Variants in TRIM21 observed in about 807,000 individuals in gnomAD.
The protein encoded by TRIM21 is tripartite motif containing 21.
A neutral mutation model predicts 36.1 loss-of-function variants in TRIM21; 35 were observed. That is an observed-to-expected ratio of 0.97 (90% confidence interval 0.74 to 1.28). The LOEUF is 1.28. TRIM21 is among the 50% of genes most tolerant of loss of function. The pLI, the probability that TRIM21 is intolerant of heterozygous loss-of-function variation, is 0.00. For missense variants in TRIM21, 635 were observed against 570.7 expected (o/e 1.11, Z -1.15); for synonymous variants, 256 against 211.5 (o/e 1.21, Z -1.83).
Position 4,385,286 on chromosome 11 carries a change from C to A in TRIM21, c.1427G>T (p.Ter476LeuextTer65), listed in dbSNP as rs759731100. The change falls in exon 7 of 7, where the codon TGA becomes TTA. Residue 476 changes from the stop codon to leucine (L), a stop_lost. Coordinates refer to ENST00000254436, the MANE Select transcript of TRIM21 (RefSeq NM_003141.4). Reference sequence around the variant, plus strand: ...AGTGGCAGTGTCCAGAGAAAGCCATCAATAGTCAGTGGATCCTTGTGATCC... The same window carrying A: ...AGTGGCAGTGTCCAGAGAAAGCCATAAATAGTCAGTGGATCCTTGTGATCC... Reference protein sequence around the residue: ...NIGSQGSTDY* With the variant: ...NIGSQGSTDYL 6 of 1,608,970 alleles carry A rather than the reference C, an allele frequency of 3.7e-6. No individual in the cohort carries two copies. In the South Asian group the frequency reaches 5.5e-5, roughly 15 times the overall value.
rs2094961657 is a variant in TRIM21 at position 4,390,339 on chromosome 11, A to T, written c.71T>A (p.Val24Glu). 1 of 1,613,964 alleles carries T rather than the reference A, an allele frequency of 6.2e-7. No homozygotes were observed. The highest frequency in any genetic ancestry group is 8.5e-7 in the Non-Finnish European group (1 of 1,179,888). ...VTCPICLDPF[V>E]EPVSIECGHS... ...GCCACACTCGATGCTCACAGGCTCC[A>T]CGAAGGGGTCCAGGCAGATAGGGCA... The change falls in exon 2 of 7, where the codon GTG becomes GAG. Residue 24 changes from valine (V) to glutamate (E), a missense_variant. Coordinates refer to ENST00000254436, the MANE Select transcript of TRIM21 (RefSeq NM_003141.4).
In TRIM21 at chr11:4,388,515, G is replaced by A; in HGVS notation, c.520C>T (p.Gln174Ter). Residue 174 changes from glutamine to a stop codon, truncating the protein, a stop_gained, in exon 4 of 7, where the codon CAG becomes TAG. Transcript: ENST00000254436. LOFTEE classifies it high-confidence loss of function. The part of the protein sequence containing the change: ...RADWKKTVET[Q>*]KSRIHAEFVQ... ...AACTCTGCGTGAATCCTAGATTTCT[G>A]TGTTTCCACTGTTTTCTTTAGTGTC... 1 of 1,609,224 alleles carries A rather than the reference G, an allele frequency of 6.2e-7. No homozygotes were observed. Among genetic ancestry groups the A allele is most frequent in the Non-Finnish European group, 8.5e-7 (1 of 1,179,844 alleles).
chr11:4,388,641 C>CCCAGACAGCACAGAG, intron 3 of TRIM21, 111 bp from the exon 4 acceptor site: 1 of 1,033,120 alleles, frequency 9.7e-7, no homozygotes, highest in Non-Finnish European at 1.4e-6. Flanking sequence ...TCTGTGCTGT[C>CCCAGACAGCACAGAG]TGGGAAAACA....
rs1307599888 is a variant in TRIM21 at position 4,390,314 on chromosome 11, G to A, written c.96C>T (p.Gly32=). The change falls in exon 2 of 7, where the codon GGC becomes GGT. Residue 32 remains glycine, a synonymous_variant. Coordinates refer to ENST00000254436, the MANE Select transcript of TRIM21 (RefSeq NM_003141.4). ...AGATGCATTCCTGGCAGAAGCTGTG[G>A]CCACACTCGATGCTCACAGGCTCCA... The part of the protein sequence containing the change: ...PFVEPVSIEC[G]HSFCQECISQ... The A allele has an allele frequency of 6.2e-7, 1 of 1,613,952 alleles. No homozygotes were observed. The highest frequency in any genetic ancestry group is 1.1e-5 in the South Asian group (1 of 91,082).
chr11:4,388,637 C>T (rs765201022), intron 3 of TRIM21, 107 bp from the exon 4 acceptor site: 13 of 1,076,110 alleles, frequency 1.2e-5, no homozygotes, highest in Non-Finnish European at 1.6e-5. Context: ...CCACTCTGTG[C>T]TGTCTGGGAA....
chr11:4,390,143 C>A lies in TRIM21; in HGVS notation c.267G>T (p.Gly89=), dbSNP rs752371909. ...TCTCTCCATGCACTGCACACCGTTCCCCCTGTGTGCCCTCTCTGGCCTCCT... is the reference window on the plus strand; with the variant it reads ...TCTCTCCATGCACTGCACACCGTTCACCCTGTGTGCCCTCTCTGGCCTCCT... The part of the protein sequence containing the change: ...ISQEAREGTQ[G]ERCAVHGERL... Residue 89 remains glycine (G), a synonymous_variant, in exon 2 of 7, where the codon GGG becomes GGT. Transcript: ENST00000254436. 1.2e-6 allele frequency: 2 copies of A among 1,614,038 alleles called. No individual in the cohort carries two copies. Among genetic ancestry groups the A allele is most frequent in the South Asian group, 2.2e-5 (2 of 91,086 alleles).
intron 4 of TRIM21, 23 bp from the exon 5 acceptor site, chr11:4,387,013 G>A (rs1222355458): frequency 2.5e-6 from 4 of 1,569,328 alleles, no homozygotes; most frequent in Non-Finnish European, 3.5e-6. Flanking sequence ...GAGACAGAAA[G>A]TAAGTTCTGG....
rs376214108 is a variant in TRIM21 at position 4,388,577 on chromosome 11, C to T, written c.505-47G>A. On this transcript the variant is annotated intron_variant, in intron 3 of 6. Coordinates refer to ENST00000254436, the MANE Select transcript of TRIM21 (RefSeq NM_003141.4). The stretch of plus-strand genomic sequence containing the variant: ...AGAGGTGGTTTTTATGAAAATCTCC[C>T]AAGCTTTGGGAATGGAGGTATTGGT... 5.1e-6 allele frequency: 8 copies of T among 1,580,444 alleles called. No homozygotes were observed. The Admixed American group carries it at 6.7e-5, about 13-fold the overall frequency.
intron 1 of TRIM21, among the ~76,000 whole-genome samples, chr11:4,392,029 G>C (rs963314030): frequency 6.6e-6 from 1 of 151,972 alleles, no homozygotes; most frequent in Non-Finnish European, 1.5e-5. Context: ...GTACAACAGG[G>C]TGACTATAGT....
At position 4,385,533 on chromosome 11, in the gene TRIM21, G is replaced by A; in HGVS notation, c.1180C>T (p.Pro394Ser). Residue 394 changes from proline (P) to serine (S), a missense_variant, in exon 7 of 7, where the codon CCC becomes TCC. Physicochemically the swap from Pro to Ser is moderately conservative, Grantham distance 74 (BLOSUM62 -1). Coordinates refer to ENST00000254436, the MANE Select transcript of TRIM21 (RefSeq NM_003141.4). ...NKQKYEAGTY[P>S]QTPLHLQVPP... is the part of the protein sequence containing the mutation. ...ACCTGAAGGTGGAGGGGAGTCTGGG[G>A]GTAGGTGCCAGCCTCATATTTTTGT... 1.9e-6 allele frequency: 3 copies of A among 1,611,864 alleles called. No individual in the cohort carries two copies. Among genetic ancestry groups the A allele is most frequent in the Non-Finnish European group, 2.5e-6 (3 of 1,179,032 alleles).
At chr11:4,388,257 A>G (rs1313425267) in intron 4 of TRIM21, 43 bp downstream of exon 4, 17 of 1,534,526 alleles carry the variant, frequency 1.1e-5, no homozygotes, top group Non-Finnish European at 1.4e-5. Flanking sequence ...GGTCTTTTTC[A>G]GTTATTCCCT....
rs199739277 is a variant in TRIM21 at position 4,385,820 on chromosome 11, G to T, written c.893C>A (p.Pro298Gln). ...HITLDPDTAN[P>Q]WLILSEDRRQ... is the part of the protein sequence containing the mutation. ...CCGATCTTCTGAAAGTATCAGCCAC[G>T]GATTGGCTGTGTCTGGATCCAGAGT... is the stretch of plus-strand genomic sequence containing the variant. Residue 298 changes from proline to glutamine, a missense_variant, in exon 7 of 7, where the codon CCG becomes CAG. By Grantham distance (76) the Pro-to-Gln change is moderately conservative. Coordinates refer to ENST00000254436, the MANE Select transcript of TRIM21 (RefSeq NM_003141.4). 4 of 1,612,520 alleles carry T rather than the reference G, an allele frequency of 2.5e-6. No homozygotes were observed. Among genetic ancestry groups the T allele is most frequent in the Admixed American group, 1.7e-5 (1 of 59,864 alleles).
In TRIM21 at chr11:4,388,530, TC is replaced by T; in HGVS notation, c.505-1del. Reference sequence around the variant, plus strand: ...CTAGATTTCTGTGTTTCCACTGTTTTCTTTAGTGTCAAGGGAAAGGGAGAGG... The same window carrying T: ...CTAGATTTCTGTGTTTCCACTGTTTTTTTAGTGTCAAGGGAAAGGGAGAGG... On this transcript the variant is annotated splice_acceptor_variant, in intron 3 of 6. Coordinates refer to ENST00000254436, the MANE Select transcript of TRIM21 (RefSeq NM_003141.4). LOFTEE classifies it high-confidence loss of function. The T allele has an allele frequency of 6.2e-7, 1 of 1,606,526 alleles. No homozygotes were observed. The highest frequency in any genetic ancestry group is 8.5e-7 in the Non-Finnish European group (1 of 1,179,712).
intron 3 of TRIM21, among the ~76,000 whole-genome samples, chr11:4,388,748 A>G (rs1434818924): frequency 6.6e-6 from 1 of 152,044 alleles, no homozygotes; most frequent in Non-Finnish European, 1.5e-5. Flanking sequence ...AGGGGAATGG[A>G]CTTGGTGAGG....
chr11:4,392,550 C>T (rs369244815), intron 1 of TRIM21, among the ~76,000 whole-genome samples: 1 of 110,964 alleles, frequency 9.0e-6, no homozygotes, highest in Non-Finnish European at 1.9e-5. Flanking sequence ...CTGGGTGACA[C>T]GGCGAGACTC....
rs759240021 is a variant in TRIM21 at position 4,385,589 on chromosome 11, C to T, written c.1124G>A (p.Ser375Asn). ...RKGHFLLSSK[S>N]GFWTIWLWNK... Reference sequence around the variant, plus strand: ...CCACAACCAAATTGTCCAGAAGCCACTCTTGGAACTAAGCAAAAAGTGCCC... The same window carrying T: ...CCACAACCAAATTGTCCAGAAGCCATTCTTGGAACTAAGCAAAAAGTGCCC... The change falls in exon 7 of 7, where the codon AGT becomes AAT. Residue 375 changes from serine (S) to asparagine (N), a missense_variant. By Grantham distance (46) the Ser-to-Asn change is conservative. Coordinates refer to ENST00000254436, the MANE Select transcript of TRIM21 (RefSeq NM_003141.4). 3.7e-6 allele frequency: 6 copies of T among 1,613,014 alleles called. No homozygotes were observed. Among genetic ancestry groups the T allele is most frequent in the Non-Finnish European group, 5.1e-6 (6 of 1,179,520 alleles).
chr11:4,386,129 T>G, intron 6 of TRIM21, 28 bp downstream of exon 6: 2 of 1,606,562 alleles, frequency 1.2e-6, no homozygotes, highest in Non-Finnish European at 1.7e-6. Flanking sequence ...CACCCCATTA[T>G]CCCCCGCAAA....
At position 4,388,356 on chromosome 11, in the gene TRIM21, C is replaced by A; in HGVS notation, c.679G>T (p.Glu227Ter). 1 of 1,613,976 alleles carries A rather than the reference C, an allele frequency of 6.2e-7. No individual in the cohort carries two copies. Among genetic ancestry groups the A allele is most frequent in the Non-Finnish European group, 8.5e-7 (1 of 1,179,888 alleles). Residue 227 changes from glutamate to a stop codon, truncating the protein, a stop_gained, in exon 4 of 7, where the codon GAG (glutamate) becomes TAG (stop). Transcript: ENST00000254436. LOFTEE classifies it high-confidence loss of function. ...CTTCGATCTAGCTCTGAGATGAGCT[C>A]CTGTAGGGCCTGGCTCTGCTGGGCC... is the stretch of plus-strand genomic sequence containing the variant. ...KLAQQSQALQ[E>*]LISELDRRCH...
intron 2 of TRIM21, 68 bp from the exon 3 acceptor site, chr11:4,389,817 C>T: frequency 6.6e-7 from 1 of 1,524,882 alleles, no homozygotes; most frequent in Non-Finnish European, 9.1e-7. Flanking sequence ...ATCCTTGCAG[C>T]ATTTTCTCAT....
Sources: allele counts gnomAD v4.1 joint callset (sites outside exome capture counted in the v4.1 genomes callset), GRCh38; gene constraint gnomAD v4.1.1; transcripts MANE v1.5; gene names NCBI Gene and HGNC (gene_info 2026-07-23, HGNC 2026-07-21).